The following FNDC3B variants were observed in gnomAD, a reference collection of about 807,000 sequenced individuals.
FNDC3B encodes fibronectin type III domain containing 3B.
A neutral mutation model predicts 151.5 loss-of-function variants in FNDC3B; 12 were observed. That is an observed-to-expected ratio of 0.08 (90% confidence interval 0.05 to 0.13). FNDC3B has a LOEUF of 0.13. Ranked by LOEUF, FNDC3B falls within the 10% of genes least tolerant of loss-of-function variation. FNDC3B has a pLI of 1.00. For missense variants in FNDC3B, 1,214 were observed against 1,505.3 expected (o/e 0.81, Z 3.20); for synonymous variants, 528 against 549.0 (o/e 0.96, Z 0.54).
intron 7 of FNDC3B, among the ~76,000 whole-genome samples, chr3:172,288,876 A>G (rs564423006): frequency 3.3e-5 from 5 of 152,264 alleles, no homozygotes; most frequent in Admixed American, 1.3e-4. Context: ...TGGCAGTGTA[A>G]GTGTATCCAG....
At chr3:172,312,608 T>G (rs1731570456) in intron 11 of FNDC3B, among the ~76,000 whole-genome samples, 1 of 151,044 alleles carries the variant, frequency 6.6e-6, no homozygotes, top group African/African-American at 2.4e-5. Context: ...ATTTTTTTTT[T>G]CAGTTATCTT....
chr3:172,107,331 A>G (rs983557510), intron 1 of FNDC3B, among the ~76,000 whole-genome samples: 15 of 152,232 alleles, frequency 9.9e-5, no homozygotes, highest in African/African-American at 3.6e-4. Context: ...AAAAGTTCAT[A>G]GAATTCGACA....
chr3:172,190,381 G>A (rs930497842), intron 3 of FNDC3B, among the ~76,000 whole-genome samples: 1 of 152,158 alleles, frequency 6.6e-6, no homozygotes, highest in African/African-American at 2.4e-5. Context: ...CAACAGCTAT[G>A]GGAGTTATCA....
chr3:172,267,438 G>A (rs567084705), intron 6 of FNDC3B, among the ~76,000 whole-genome samples: 1 of 152,296 alleles, frequency 6.6e-6, no homozygotes, highest in African/African-American at 2.4e-5. Flanking sequence ...TTACAGGTGT[G>A]AGCCACCATG....
chr3:172,353,200 A>G (rs1350084185), intron 22 of FNDC3B, 117 bp downstream of exon 22: 3 of 979,578 alleles, frequency 3.1e-6, no homozygotes, highest in Non-Finnish European at 4.5e-6. Flanking sequence ...AAGAGCCCAG[A>G]TGTCCAGAGT....
intron 3 of FNDC3B, among the ~76,000 whole-genome samples, chr3:172,159,065 G>A (rs1051823810): frequency 6.6e-6 from 1 of 152,196 alleles, no homozygotes; most frequent in Non-Finnish European, 1.5e-5. Context: ...CAGATCACAA[G>A]GTCAGGAGTT....
intron 1 of FNDC3B, among the ~76,000 whole-genome samples, chr3:172,076,784 G>A (rs969219210): frequency 3.9e-5 from 6 of 152,072 alleles, no homozygotes; most frequent in Admixed American, 3.9e-4. Context: ...CATCAAGAGG[G>A]GTCTTTAACT....
Position 172,187,660 on chromosome 3 carries a change from C to T in FNDC3B, c.188-39211C>T, listed in dbSNP as rs1016286513. On this transcript the variant is annotated intron_variant, in intron 3 of 25. Transcript: ENST00000415807. ...AACTTCTTTCTTTGTATTGTTTTTT[C>T]CCCCTCTTTTGGAGACTGGATTCTC... 7.2e-5 allele frequency among the ~76,000 whole-genome samples: 11 copies of T among 152,076 alleles called. No individual in the cohort carries two copies. In the East Asian group the frequency reaches 2.1e-3, roughly 29 times the overall value.
intron 6 of FNDC3B, among the ~76,000 whole-genome samples, chr3:172,253,891 T>C (rs1333130153): frequency 6.6e-6 from 1 of 152,148 alleles, no homozygotes; most frequent in Admixed American, 6.5e-5. Context: ...ACCATTCTCC[T>C]GCCTCACTCT....
chr3:172,187,361 G>T (rs982455849), intron 3 of FNDC3B: 5 of 152,182 alleles, frequency 3.3e-5, no homozygotes, highest in African/African-American at 1.2e-4. Context: ...ATTTACATCT[G>T]TATTGACCAT....
At chr3:172,318,011 C>T (rs1331701371) in intron 11 of FNDC3B, among the ~76,000 whole-genome samples, 1 of 152,040 alleles carries the variant, frequency 6.6e-6, no homozygotes, top group African/African-American at 2.4e-5. Context: ...AAGTTCACAT[C>T]TGGATACACA....
In FNDC3B at chr3:172,044,397, G is replaced by C. The variant is rs955904385; in HGVS notation, c.-29+4626G>C. On this transcript the variant is annotated intron_variant, in intron 1 of 25. Coordinates refer to ENST00000415807, the MANE Select transcript of FNDC3B (RefSeq NM_022763.4). ...TGCCAGGTTCAGTATAAATATATCTGAATCTATTGTATCTTCCATAGTTAT... is the reference window on the plus strand; with the variant it reads ...TGCCAGGTTCAGTATAAATATATCTCAATCTATTGTATCTTCCATAGTTAT... 1.5e-4 allele frequency among the ~76,000 whole-genome samples: 22 copies of C among 149,370 alleles called. 1 individual carries two copies. The highest frequency in any genetic ancestry group is 4.9e-4 in the African/African-American group (20 of 40,484).
intron 3 of FNDC3B, among the ~76,000 whole-genome samples, chr3:172,170,115 G>A (rs1319160991): frequency 6.6e-6 from 1 of 152,134 alleles, no homozygotes; most frequent in African/African-American, 2.4e-5. Flanking sequence ...TATAAGCAAA[G>A]TTGTTTTCTT....
At chr3:172,290,256 T>C (rs73031393) in intron 7 of FNDC3B, among the ~76,000 whole-genome samples, 2,525 of 152,350 alleles carry the variant, frequency 0.017, 75 homozygotes, top group African/African-American at 0.058. Flanking sequence ...GCACCCTGAA[T>C]TGAGCAAGTC....
At chr3:172,264,009 C>T (rs1436296214) in intron 6 of FNDC3B, among the ~76,000 whole-genome samples, 1 of 152,012 alleles carries the variant, frequency 6.6e-6, no homozygotes, top group Non-Finnish European at 1.5e-5. Context: ...GGGGGAGAGA[C>T]AGGGTCTTGC....
At chr3:172,149,436 G>T (rs1292323655) in intron 3 of FNDC3B, among the ~76,000 whole-genome samples, 1 of 152,040 alleles carries the variant, frequency 6.6e-6, no homozygotes, top group African/African-American at 2.4e-5. Flanking sequence ...TAAAATAAGA[G>T]GATTAGAACA....
chr3:172,216,587 C>T (rs988832657), intron 3 of FNDC3B, among the ~76,000 whole-genome samples: 6 of 152,188 alleles, frequency 3.9e-5, no homozygotes, highest in East Asian at 1.9e-4. Flanking sequence ...GTGAGAGGAT[C>T]GCTTGACCCC....
intron 24 of FNDC3B, among the ~76,000 whole-genome samples, chr3:172,379,632 G>T (rs1735335501): frequency 6.7e-6 from 1 of 149,164 alleles, no homozygotes; most frequent in African/African-American, 2.5e-5. Context: ...AGGTCACTTT[G>T]GCAGTAAATG....
chr3:172,300,971 A>G (rs1187285766), intron 9 of FNDC3B, among the ~76,000 whole-genome samples: 2 of 152,110 alleles, frequency 1.3e-5, no homozygotes, highest in Non-Finnish European at 2.9e-5. Flanking sequence ...TCTTATTTAG[A>G]TGTAGCTTCC....
Sources: gnomAD v4.1 joint callset for allele counts (sites outside exome capture counted in the v4.1 genomes callset) on GRCh38, gnomAD v4.1.1 for gene constraint, MANE v1.5 for transcripts, NCBI Gene and HGNC (gene_info 2026-07-23, HGNC 2026-07-21) for gene names.